Variants in HSP90AA1 observed in about 807,000 individuals in gnomAD.
HSP90AA1 encodes heat shock protein HSP 90-alpha.
A neutral mutation model predicts 73.3 loss-of-function variants in HSP90AA1; 18 were observed. The observed-to-expected ratio is 0.25, with a 90% CI of 0.17 to 0.36. The LOEUF is 0.36. Ranked by LOEUF, HSP90AA1 falls within the 10% of genes least tolerant of loss-of-function variation. The pLI, the probability that HSP90AA1 is intolerant of heterozygous loss-of-function variation, is 1.00. For missense variants in HSP90AA1, 704 were observed against 874.2 expected (o/e 0.81, Z 2.45); for synonymous variants, 477 against 296.9 (o/e 1.61, Z -6.24).
intron 2 of HSP90AA1, among the ~76,000 whole-genome samples, chr14:102,098,896 A>G (rs951293159): frequency 6.6e-6 from 1 of 152,222 alleles, no homozygotes; most frequent in Non-Finnish European, 1.5e-5. Context: ...TGCCATTTCT[A>G]TCTTAATGTA....
chr14:102,131,260 G>A lies in HSP90AA1; in HGVS notation c.155+7990C>T, dbSNP rs117157527. Among the ~76,000 whole-genome samples, 355 of 152,222 alleles carry A rather than the reference G, an allele frequency of 2.3e-3. 1 individual carries two copies. Among genetic ancestry groups the A allele is most frequent in the Non-Finnish European group, 3.9e-3 (265 of 68,018 alleles). On this transcript the variant is annotated intron_variant, in intron 1 of 11. Coordinates refer to the HSP90AA1 transcript ENST00000334701. Reference sequence around the variant, plus strand: ...CGTCCAGTTGCTTATGCCTACGTTGGAGTCATTCCTGACTCCTTCATTTCT... The same window carrying A: ...CGTCCAGTTGCTTATGCCTACGTTGAAGTCATTCCTGACTCCTTCATTTCT...
At chr14:102,131,815 T>C (rs937732004) in intron 1 of HSP90AA1, among the ~76,000 whole-genome samples, 13 of 152,362 alleles carry the variant, frequency 8.5e-5, no homozygotes, top group African/African-American at 2.6e-4. Context: ...GTTGTGCTCA[T>C]TGCCTTTCTG....
chr14:102,113,264 T>A lies in HSP90AA1; in HGVS notation c.156-11179A>T, dbSNP rs989583965. 2.6e-5 allele frequency among the ~76,000 whole-genome samples: 4 copies of A among 152,290 alleles called. No individual in the cohort carries two copies. In the South Asian group the frequency reaches 8.3e-4, roughly 32 times the overall value. On this transcript the variant is annotated intron_variant, in intron 1 of 11. Coordinates refer to the HSP90AA1 transcript ENST00000334701. ...GTCTCGAACTCCTGACCTCAGGCAA[T>A]CTGCCCGCCTTGGCCTCCCAAAGTA...
In HSP90AA1 at chr14:102,117,136, C is replaced by T. The variant is rs191560546; in HGVS notation, c.156-15051G>A. The stretch of plus-strand genomic sequence containing the variant: ...TTGGTAATGAGGAGCATGGGAGAGA[C>T]GCCAAGGGGGGTGCTAAGGGCAGCT... On this transcript the variant is annotated intron_variant, in intron 1 of 11. Transcript: ENST00000334701. 1.4e-3 allele frequency among the ~76,000 whole-genome samples: 212 copies of T among 152,272 alleles called. 5 individuals carry two copies. Among genetic ancestry groups the T allele is most frequent in the Admixed American group, 0.013 (198 of 15,294 alleles).
intron 1 of HSP90AA1, among the ~76,000 whole-genome samples, chr14:102,127,621 A>G (rs1457307264): frequency 6.6e-6 from 1 of 152,162 alleles, no homozygotes; most frequent in South Asian, 2.1e-4. Context: ...GACAGTAAGC[A>G]ATAGGCAGAG....
chr14:102,085,401 A>G lies in HSP90AA1; in HGVS notation c.560T>C (p.Ile187Thr), dbSNP rs778404835. The change falls in exon 4 of 11, where the codon ATC becomes ACC. Residue 187 changes from isoleucine (I) to threonine (T), a missense_variant. Ile to Thr is a moderately conservative substitution (Grantham distance 89). Coordinates refer to ENST00000216281, the MANE Select transcript of HSP90AA1 (RefSeq NM_005348.4). ...GEPMGRGTKV[I>T]LHLKEDQTEY... ...AGTTTGGTCTTCTTTCAGGTGTAGG[A>G]TAACTTTTGTTCCACGACCCATAGG... 2.0e-5 allele frequency: 32 copies of G among 1,613,650 alleles called. No homozygotes were observed. Among genetic ancestry groups the G allele is most frequent in the African/African-American group, 6.7e-5 (5 of 74,892 alleles).
chr14:102,134,673 G>A (rs1464852340), intron 1 of HSP90AA1, among the ~76,000 whole-genome samples: 1 of 152,094 alleles, frequency 6.6e-6, no homozygotes, highest in East Asian at 1.9e-4. Flanking sequence ...TCCTCCCGGT[G>A]GGCTCGTGGT....
intron 1 of HSP90AA1, among the ~76,000 whole-genome samples, chr14:102,123,999 C>T (rs1336514539): frequency 2.0e-5 from 3 of 152,100 alleles, no homozygotes; most frequent in Middle Eastern, 3.4e-3. Context: ...TGGCGCCTCC[C>T]TCTGTTGCCC....
chr14:102,107,470 G>A (rs2049583842), intron 1 of HSP90AA1, among the ~76,000 whole-genome samples: 2 of 151,890 alleles, frequency 1.3e-5, no homozygotes, highest in South Asian at 2.1e-4. Flanking sequence ...GACTACAGGT[G>A]CACGCCACCA....
rs1304873597 is a variant in HSP90AA1, at chr14:102,084,388, T to C, written c.1147+11A>G. 2 of 1,609,980 alleles carry C rather than the reference T, an allele frequency of 1.2e-6. No homozygotes were observed. Among genetic ancestry groups the C allele is most frequent in the East Asian group, 2.2e-5 (1 of 44,866 alleles). On this transcript the variant is annotated intron_variant, in intron 6 of 10. Coordinates refer to ENST00000216281, the MANE Select transcript of HSP90AA1 (RefSeq NM_005348.4). ...TCAGTGACAGTGATTATTTTTCCTA[T>C]CTATACTTACTCAGATATTCAGGGA...
intron 1 of HSP90AA1, among the ~76,000 whole-genome samples, chr14:102,106,371 G>A (rs887819008): frequency 6.6e-6 from 1 of 152,086 alleles, no homozygotes; most frequent in Non-Finnish European, 1.5e-5. Context: ...GAGCAGGGAA[G>A]AGCCATCATT....
At chr14:102,085,540 A>T in intron 3 of HSP90AA1, 109 bp from the exon 4 acceptor site, 1 of 1,257,324 alleles carries the variant, frequency 8.0e-7, no homozygotes, top group Non-Finnish European at 1.1e-6. Flanking sequence ...GTTACTACAG[A>T]TGCAAAGGCC....
chr14:102,123,084 C>T (rs1458759151), intron 1 of HSP90AA1, among the ~76,000 whole-genome samples: 1 of 152,130 alleles, frequency 6.6e-6, no homozygotes, highest in East Asian at 1.9e-4. Context: ...ATTCAACTTA[C>T]ACACTGATCC....
chr14:102,138,212 GT>G (rs11287708), intron 1 of HSP90AA1, among the ~76,000 whole-genome samples: 123,333 of 151,812 alleles, frequency 0.81, 51,124 homozygotes, highest in East Asian at 0.97. Context: ...TGCTCGCTGG[GT>G]TTTTTTCCCC....
intron 1 of HSP90AA1, among the ~76,000 whole-genome samples, chr14:102,127,215 A>G (rs2049851097): frequency 6.6e-6 from 1 of 152,148 alleles, no homozygotes; most frequent in Non-Finnish European, 1.5e-5. Context: ...TATTGAGGCT[A>G]TTAAGCTTGA....
At chr14:102,091,484 G>A (rs1454424217), upstream of HSP90AA1, among the ~76,000 whole-genome samples, 1 of 151,926 alleles carries the variant, frequency 6.6e-6, no homozygotes, top group Admixed American at 6.6e-5. Flanking sequence ...AATTTAGCTG[G>A]GTGTGGCAGC....
intron 1 of HSP90AA1, among the ~76,000 whole-genome samples, chr14:102,128,786 G>A (rs2049869124): frequency 6.6e-6 from 1 of 152,010 alleles, no homozygotes; most frequent in Non-Finnish European, 1.5e-5. Context: ...GAGCCATATA[G>A]CGACACTCCA....
exon 2 of HSP90AA1, chr14:102,101,983 G>C: frequency 6.2e-7 from 1 of 1,614,106 alleles, no homozygotes; most frequent in Non-Finnish European, 8.5e-7. Context: ...CAGAGACGTG[G>C]AAGGGCTGTT....
At chr14:102,085,634 A>T in intron 3 of HSP90AA1, 124 bp downstream of exon 3, 1 of 1,457,294 alleles carries the variant, frequency 6.9e-7, no homozygotes, top group South Asian at 1.2e-5. Context: ...TAAGTGCTCT[A>T]GCTTGTTCCT....
Sources: allele counts gnomAD v4.1 joint callset (sites outside exome capture counted in the v4.1 genomes callset), GRCh38; gene constraint gnomAD v4.1.1; transcripts MANE v1.5; gene names NCBI Gene and HGNC (gene_info 2026-07-23, HGNC 2026-07-21).